The following TLK2 variants were observed in gnomAD, a reference collection of about 807,000 sequenced individuals.
The protein encoded by TLK2 is serine/threonine-protein kinase tousled-like 2.
A neutral mutation model predicts 117.3 loss-of-function variants in TLK2; 6 were observed. The ratio of observed to expected loss-of-function variants is 0.05; its 90% CI spans 0.03 to 0.10. The LOEUF is 0.10. Ranked by LOEUF, TLK2 falls within the 10% of genes least tolerant of loss-of-function variation. The probability of loss-of-function intolerance (pLI) is 1.00; values close to 1 mark genes in which losing one functional copy is unlikely to be tolerated. For synonymous variants in TLK2, 257 were observed against 316.7 expected (o/e 0.81, Z 2.00); for missense variants, 299 against 901.2 (o/e 0.33, Z 8.56).
intron 17 of TLK2, among the ~76,000 whole-genome samples, chr17:62,598,103 C>G (rs766981710): frequency 6.6e-6 from 1 of 152,130 alleles, no homozygotes; most frequent in African/African-American, 2.4e-5. Flanking sequence ...TTTGGGTAGC[C>G]CTGGCACTGA....
At chr17:62,548,240 ATGTGTGTGTG>A (rs59375141) in intron 7 of TLK2, among the ~76,000 whole-genome samples, 8 of 121,294 alleles carry the variant, frequency 6.6e-5, no homozygotes, top group African/African-American at 2.5e-4. Context: ...ATATATATAT[ATGTGTGTGTG>A]TGTGTGTGTG....
At chr17:62,507,017 T>C (rs1567812945) in intron 2 of TLK2, among the ~76,000 whole-genome samples, 1 of 152,208 alleles carries the variant, frequency 6.6e-6, no homozygotes, top group Non-Finnish European at 1.5e-5. Flanking sequence ...ATTTACTAGG[T>C]AGATGTTGAT....
chr17:62,546,558 C>CT lies in TLK2; in HGVS notation c.532-5729dup, dbSNP rs1283721556. 6.3e-3 allele frequency among the ~76,000 whole-genome samples: 822 copies of CT among 131,136 alleles called. 6 individuals carry two copies. Among genetic ancestry groups the CT allele is most frequent in the East Asian group, 0.019 (89 of 4,612 alleles). 86.0% of individuals were successfully genotyped at this position (131,136 alleles called of 152,430 possible). On this transcript the variant is annotated intron_variant, in intron 7 of 21. Coordinates refer to ENST00000346027, the MANE Select transcript of TLK2 (RefSeq NM_006852.6). ...AGATTTTCTTATTTTCTTTTTCTTT[C>CT]TTTTTTTTTTTTTTTGAGACTGAGT... is the stretch of plus-strand genomic sequence containing the variant.
chr17:62,471,426 T>C (rs1468997780), intron 1 of TLK2, among the ~76,000 whole-genome samples: 1 of 152,218 alleles, frequency 6.6e-6, no homozygotes, highest in Non-Finnish European at 1.5e-5. Flanking sequence ...CCCATAGCCT[T>C]TGAATGCTCA....
intron 9 of TLK2, 92 bp downstream of exon 9, chr17:62,553,847 C>G (rs564965156): frequency 2.3e-5 from 18 of 784,330 alleles, no homozygotes; most frequent in Admixed American, 5.1e-5. Flanking sequence ...TTACTATAGC[C>G]AAATAACAAT....
intron 6 of TLK2, among the ~76,000 whole-genome samples, chr17:62,534,971 T>C (rs1598426556): frequency 7.4e-6 from 1 of 134,908 alleles, no homozygotes; most frequent in Non-Finnish European, 1.6e-5. Context: ...TCACTGCAAC[T>C]TCCGCCTCCT....
intron 15 of TLK2, among the ~76,000 whole-genome samples, chr17:62,585,021 T>G (rs1416367286): frequency 6.6e-6 from 1 of 152,218 alleles, no homozygotes; most frequent in Non-Finnish European, 1.5e-5. Context: ...ATTCTTTTGT[T>G]TGGAGGGAAA....
At chr17:62,543,035 A>G (rs1335425996) in intron 7 of TLK2, among the ~76,000 whole-genome samples, 1 of 152,144 alleles carries the variant, frequency 6.6e-6, no homozygotes, top group Non-Finnish European at 1.5e-5. Context: ...ACTGACATAC[A>G]TTTCTAGAAA....
intron 21 of TLK2, among the ~76,000 whole-genome samples, chr17:62,611,430 T>C: frequency 6.6e-6 from 1 of 152,242 alleles, no homozygotes; most frequent in East Asian, 1.9e-4. Context: ...AAATCAACTT[T>C]GCTTTTTAGA....
At chr17:62,599,795 C>T (rs1348909079) in intron 17 of TLK2, among the ~76,000 whole-genome samples, 1 of 152,138 alleles carries the variant, frequency 6.6e-6, no homozygotes, top group Non-Finnish European at 1.5e-5. Context: ...CTGATACACC[C>T]ACATTGTCAC....
chr17:62,527,450 C>T (rs2076439116), intron 6 of TLK2, among the ~76,000 whole-genome samples: 1 of 151,786 alleles, frequency 6.6e-6, no homozygotes, highest in East Asian at 1.9e-4. Context: ...CTGCAGAAGT[C>T]CCCCTGAGTT....
At chr17:62,572,498 G>A (rs1419491379) in intron 11 of TLK2, among the ~76,000 whole-genome samples, 1 of 151,910 alleles carries the variant, frequency 6.6e-6, no homozygotes, top group African/African-American at 2.4e-5. Context: ...CATCTTATTA[G>A]GAAATACTCT....
intron 6 of TLK2, among the ~76,000 whole-genome samples, chr17:62,531,330 C>T (rs531202742): frequency 6.6e-6 from 1 of 152,070 alleles, no homozygotes; most frequent in East Asian, 1.9e-4. Context: ...CTTTCAGTTC[C>T]CAGATCCTGT....
At chr17:62,537,365 C>G (rs1278201460) in intron 7 of TLK2, among the ~76,000 whole-genome samples, 1 of 152,232 alleles carries the variant, frequency 6.6e-6, no homozygotes, top group Non-Finnish European at 1.5e-5. Context: ...AGATACAACG[C>G]TCCTTGAATA....
chr17:62,539,739 T>C (rs546036608), intron 7 of TLK2, among the ~76,000 whole-genome samples: 5 of 152,216 alleles, frequency 3.3e-5, no homozygotes, highest in African/African-American at 1.2e-4. Context: ...TGACCTCAAG[T>C]GATCCTCCCG....
intron 16 of TLK2, among the ~76,000 whole-genome samples, chr17:62,590,489 A>G (rs1194655508): frequency 1.3e-5 from 2 of 152,216 alleles, no homozygotes; most frequent in Non-Finnish European, 2.9e-5. Context: ...GCAATATTAC[A>G]AGGAATCTTA....
intron 2 of TLK2, among the ~76,000 whole-genome samples, chr17:62,512,015 A>G (rs1407738702): frequency 6.6e-6 from 1 of 152,190 alleles, no homozygotes; most frequent in Non-Finnish European, 1.5e-5. Flanking sequence ...ACCTTTTTAC[A>G]TTCTCACTAG....
chr17:62,531,887 T>C (rs2076765192), intron 6 of TLK2, among the ~76,000 whole-genome samples: 1 of 152,172 alleles, frequency 6.6e-6, no homozygotes, highest in Non-Finnish European at 1.5e-5. Context: ...GGGGGTAATT[T>C]TTCTTTTGGT....
At chr17:62,564,275 C>T (rs2079544460) in intron 10 of TLK2, among the ~76,000 whole-genome samples, 1 of 152,054 alleles carries the variant, frequency 6.6e-6, no homozygotes, top group Non-Finnish European at 1.5e-5. Flanking sequence ...TGGTGGCTCA[C>T]GCCTGTAATC....
Sources: gnomAD v4.1 joint callset for allele counts (sites outside exome capture counted in the v4.1 genomes callset) on GRCh38, gnomAD v4.1.1 for gene constraint, MANE v1.5 for transcripts, NCBI Gene and HGNC (gene_info 2026-07-23, HGNC 2026-07-21) for gene names.